MYOM1: variants seen among roughly 807,000 people sequenced by gnomAD.
MYOM1 encodes myomesin 1, also known as myomesin-1.
In MYOM1, 164 loss-of-function variants were observed where a neutral mutation model predicts 205.3. The ratio of observed to expected loss-of-function variants is 0.80; its 90% confidence interval spans 0.70 to 0.91. MYOM1 has a LOEUF of 0.91. Among genes scored for constraint, MYOM1 ranks in the 40% least tolerant of loss-of-function variants. MYOM1 has a pLI of 0.00. For missense variants in MYOM1, 2,011 were observed against 2,127.3 expected (o/e 0.95, Z 1.08); for synonymous variants, 772 against 789.4 (o/e 0.98, Z 0.37).
chr18:3,228,029 T>C, the MYOM1 span, among the ~76,000 whole-genome samples: 1 of 152,130 alleles, frequency 6.6e-6, no homozygotes, highest in African/African-American at 2.4e-5. The surrounding 1 kb of genome is among the most constrained non-coding windows in gnomAD (Gnocchi z 4.5). Flanking sequence ...GTGATCCTGC[T>C]ACAGTTTCAT....
chr18:3,105,570 C>T (rs1211647131), intron 22 of MYOM1, among the ~76,000 whole-genome samples: 1 of 152,030 alleles, frequency 6.6e-6, no homozygotes, highest in African/African-American at 2.4e-5. Context: ...ATAAGAAAAT[C>T]CTGGCCAGGC....
intron 6 of MYOM1, among the ~76,000 whole-genome samples, chr18:3,175,704 A>T (rs2080628354): frequency 6.6e-6 from 1 of 152,248 alleles, no homozygotes; most frequent in Non-Finnish European, 1.5e-5. Flanking sequence ...TGATTACTGA[A>T]TATAAATGCC....
chr18:3,235,716 C>T, the MYOM1 span, among the ~76,000 whole-genome samples: 10 of 152,130 alleles, frequency 6.6e-5, no homozygotes, highest in East Asian at 1.9e-3. Context: ...AGATGGTAAA[C>T]AAAATGAGTA....
intron 10 of MYOM1, among the ~76,000 whole-genome samples, chr18:3,160,734 T>A (rs948616821): frequency 1.3e-5 from 2 of 152,248 alleles, no homozygotes; most frequent in Non-Finnish European, 2.9e-5. Context: ...TCTATTTATC[T>A]TTTCAATGCT....
intron 8 of MYOM1, among the ~76,000 whole-genome samples, chr18:3,170,229 G>C (rs2080537102): frequency 6.6e-6 from 1 of 152,138 alleles, no homozygotes. Flanking sequence ...CTAGTCTACA[G>C]TTAATAATTT....
intron 8 of MYOM1, among the ~76,000 whole-genome samples, chr18:3,171,437 C>T (rs1268006080): frequency 6.6e-6 from 1 of 152,162 alleles, no homozygotes; most frequent in East Asian, 1.9e-4. Flanking sequence ...AGAAACGGAC[C>T]TAACTTCTAG....
Position 3,142,081 on chromosome 18 carries a change from A to G in MYOM1, c.1901-18T>C. 1 of 1,612,116 alleles carries G rather than the reference A, an allele frequency of 6.2e-7. No individual in the cohort carries two copies. On this transcript the variant is annotated intron_variant, in intron 13 of 37. Transcript: ENST00000356443. ...AATACCCTCTGAAAAACAACAAGGA[A>G]AAATGAGAAGCACACATTCTGGGTA...
chr18:3,187,845 T>C (rs1356389479), intron 4 of MYOM1, among the ~76,000 whole-genome samples: 1 of 151,614 alleles, frequency 6.6e-6, no homozygotes, highest in East Asian at 1.9e-4. Flanking sequence ...GCAACATCTT[T>C]GATTTCTTTT....
At chr18:3,145,061 C>G (rs1321017583) in intron 13 of MYOM1, among the ~76,000 whole-genome samples, 2 of 152,142 alleles carry the variant, frequency 1.3e-5, no homozygotes, top group African/African-American at 4.8e-5. Context: ...GTAATCCCAG[C>G]ACTTTGGGAG....
chr18:3,109,758 C>T (rs1261980403), intron 22 of MYOM1, among the ~76,000 whole-genome samples: 2 of 152,192 alleles, frequency 1.3e-5, no homozygotes, highest in Non-Finnish European at 2.9e-5. Flanking sequence ...TTTAACAGAT[C>T]TCATTTTACA....
At chr18:3,207,694 C>T (rs72861647) in intron 2 of MYOM1, among the ~76,000 whole-genome samples, 20,266 of 152,184 alleles carry the variant, frequency 0.13, 1,598 homozygotes, top group East Asian at 0.22. Flanking sequence ...TGGCCAGTGC[C>T]GACACTATGG....
At chr18:3,229,872 A>G in the MYOM1 span, among the ~76,000 whole-genome samples, 1 of 151,002 alleles carries the variant, frequency 6.6e-6, no homozygotes, top group South Asian at 2.1e-4. Context: ...AGGAGGATGA[A>G]GCAGGAGAAT....
chr18:3,085,387 A>T (rs1598655850), intron 30 of MYOM1, among the ~76,000 whole-genome samples: 1 of 151,760 alleles, frequency 6.6e-6, no homozygotes, highest in East Asian at 1.9e-4. Flanking sequence ...CTGGGATTAC[A>T]GGTGTGAGCC....
intron 7 of MYOM1, 50 bp downstream of exon 7, chr18:3,174,070 T>C: frequency 6.3e-7 from 1 of 1,593,910 alleles, no homozygotes. Context: ...TGGGAAGAAA[T>C]TTTTAAAAAC....
intron 1 of MYOM1, among the ~76,000 whole-genome samples, chr18:3,217,411 G>C (rs970950228): frequency 1.3e-5 from 2 of 152,236 alleles, no homozygotes; most frequent in African/African-American, 4.8e-5. Flanking sequence ...TATTAACTGA[G>C]ATGGGGAGGA....
At chr18:3,086,396 A>T (rs559808906) in intron 29 of MYOM1, among the ~76,000 whole-genome samples, 51 of 150,706 alleles carry the variant, frequency 3.4e-4, no homozygotes, top group Admixed American at 8.6e-4. Context: ...TTGACTCTAA[A>T]ATCATGTGGT....
At chr18:3,087,485 G>GTT in intron 29 of MYOM1, among the ~76,000 whole-genome samples, 1 of 141,472 alleles carries the variant, frequency 7.1e-6, no homozygotes, top group African/African-American at 2.7e-5. Context: ...TTCCTCCTAC[G>GTT]TTCTTTTTTT....
chr18:3,072,966 TG>T (rs1194497881), intron 36 of MYOM1, among the ~76,000 whole-genome samples: 1 of 145,516 alleles, frequency 6.9e-6, no homozygotes, highest in Non-Finnish European at 1.5e-5. Flanking sequence ...CTCATGCAGA[TG>T]TAAGCATTTT....
chr18:3,105,897 C>T (rs926688830), intron 22 of MYOM1, among the ~76,000 whole-genome samples: 9 of 152,050 alleles, frequency 5.9e-5, no homozygotes, highest in African/African-American at 2.2e-4. Flanking sequence ...GTCTCAATTG[C>T]CTCAGTTACT....
Sources: gnomAD v4.1 joint callset for allele counts (sites outside exome capture counted in the v4.1 genomes callset) on GRCh38, gnomAD v4.1.1 for gene constraint, Gnocchi (gnomAD v3.1) non-coding constraint, MANE v1.5 for transcripts, NCBI Gene and HGNC (gene_info 2026-07-23, HGNC 2026-07-21) for gene names.